ASTN2: variants seen among roughly 807,000 people sequenced by gnomAD.
The protein encoded by ASTN2 is astrotactin 2.
A neutral mutation model predicts 139.8 loss-of-function variants in ASTN2; 54 were observed. The ratio of observed to expected loss-of-function variants is 0.39; its 90% CI spans 0.31 to 0.48. The LOEUF (loss-of-function observed/expected upper bound fraction) is 0.48, where lower values mean the gene tolerates loss of function less well. ASTN2 is among the 20% of genes least tolerant of loss of function. ASTN2 has a pLI of 0.95. For synonymous variants in ASTN2, 756 were observed against 719.5 expected (o/e 1.05, Z -0.81); for missense variants, 1,565 against 1,725.1 (o/e 0.91, Z 1.64).
chr9:116,734,380 C>A (rs985854301), intron 13 of ASTN2, among the ~76,000 whole-genome samples: 19 of 152,104 alleles, frequency 1.2e-4, no homozygotes, highest in Non-Finnish European at 2.4e-4. Flanking sequence ...AGACAATAGA[C>A]CTGCCTAAAA....
chr9:117,337,151 C>T (rs772758196), intron 1 of ASTN2, among the ~76,000 whole-genome samples: 1 of 152,168 alleles, frequency 6.6e-6, no homozygotes, highest in African/African-American at 2.4e-5. Flanking sequence ...AAAAATCACA[C>T]ATACCCTATG....
chr9:116,707,080 A>C (rs73515243), intron 16 of ASTN2, among the ~76,000 whole-genome samples: 12,997 of 151,518 alleles, frequency 0.086, 1,858 homozygotes, highest in African/African-American at 0.3. Flanking sequence ...GTTTATCTCA[A>C]CCAGGTGTTG....
At chr9:117,084,905 T>C (rs1310919922) in intron 5 of ASTN2, among the ~76,000 whole-genome samples, 1 of 152,198 alleles carries the variant, frequency 6.6e-6, no homozygotes, top group Non-Finnish European at 1.5e-5. Context: ...GAATTGGCAT[T>C]TTAAAAAGTG....
intron 22 of ASTN2, among the ~76,000 whole-genome samples, chr9:116,426,749 AATAT>A (rs34817399): frequency 4.0e-5 from 6 of 150,770 alleles, no homozygotes; most frequent in African/African-American, 4.9e-5. Context: ...CCTTTCATCA[AATAT>A]ATATATATAT....
intron 10 of ASTN2, among the ~76,000 whole-genome samples, chr9:116,958,208 T>C (rs1333083644): frequency 6.6e-6 from 1 of 152,212 alleles, no homozygotes; most frequent in Non-Finnish European, 1.5e-5. Flanking sequence ...TCAAATTTTC[T>C]ACTAGAATTG....
chr9:116,530,149 AT>A (rs1277039694), intron 19 of ASTN2, among the ~76,000 whole-genome samples: 25 of 25,368 alleles, frequency 9.9e-4, no homozygotes, highest in African/African-American at 1.7e-3. Context: ...ATATATATAT[AT>A]AAAATAGAAT....
At chr9:117,040,754 A>C (rs1838540575) in intron 5 of ASTN2, among the ~76,000 whole-genome samples, 1 of 152,128 alleles carries the variant, frequency 6.6e-6, no homozygotes, top group Admixed American at 6.5e-5. Flanking sequence ...CCACCACTTC[A>C]GTTTCTTTAT....
chr9:116,790,970 A>G (rs540203181), intron 13 of ASTN2, among the ~76,000 whole-genome samples: 474 of 26,702 alleles, frequency 0.018, 7 homozygotes, highest in African/African-American at 0.061. Context: ...AAAGAAGGAA[A>G]GAAAGAAAGA....
chr9:116,921,364 G>A (rs1468612683), intron 10 of ASTN2, among the ~76,000 whole-genome samples: 3 of 151,834 alleles, frequency 2.0e-5, no homozygotes, highest in African/African-American at 4.8e-5. Context: ...TGAGGCGGGC[G>A]GATCACATGG....
intron 19 of ASTN2, among the ~76,000 whole-genome samples, chr9:116,605,991 A>C (rs946976344): frequency 3.9e-5 from 6 of 152,106 alleles, no homozygotes; most frequent in African/African-American, 4.8e-5. Context: ...TTTTCTTCGT[A>C]GGTCAAACAG....
At chr9:116,908,559 T>G (rs564661027) in intron 10 of ASTN2, among the ~76,000 whole-genome samples, 3 of 152,326 alleles carry the variant, frequency 2.0e-5, no homozygotes, top group African/African-American at 7.2e-5. Context: ...GGTTGTTTCC[T>G]TTCTTGAAAG....
intron 4 of ASTN2, among the ~76,000 whole-genome samples, chr9:117,103,546 T>C (rs1829032294): frequency 6.6e-6 from 1 of 152,164 alleles, no homozygotes; most frequent in Non-Finnish European, 1.5e-5. Flanking sequence ...TGCTCTTCTT[T>C]TGCAATCTAC....
chr9:116,765,689 G>C (rs1278690968), intron 13 of ASTN2, among the ~76,000 whole-genome samples: 1 of 151,830 alleles, frequency 6.6e-6, no homozygotes, highest in Admixed American at 6.6e-5. Context: ...AAAAAATACG[G>C]CTGATCTTTA....
At chr9:117,366,164 A>G (rs935999572) in intron 1 of ASTN2, among the ~76,000 whole-genome samples, 1 of 152,128 alleles carries the variant, frequency 6.6e-6, no homozygotes, top group Non-Finnish European at 1.5e-5. Flanking sequence ...ACAGATAAAG[A>G]TTTCCAAAAC....
intron 1 of ASTN2, among the ~76,000 whole-genome samples, chr9:117,363,571 G>A (rs1829751724): frequency 6.6e-6 from 1 of 152,186 alleles, no homozygotes. Flanking sequence ...TGAAATGCCA[G>A]CAGAACATGC....
intron 13 of ASTN2, among the ~76,000 whole-genome samples, chr9:116,781,721 C>T (rs992129118): frequency 3.9e-5 from 6 of 152,082 alleles, no homozygotes; most frequent in Non-Finnish European, 2.9e-5. Flanking sequence ...TTTCTTGATG[C>T]AGTCTGAGCA....
intron 10 of ASTN2, among the ~76,000 whole-genome samples, chr9:116,925,323 T>C (rs1184571455): frequency 1.3e-5 from 2 of 152,150 alleles, no homozygotes; most frequent in Non-Finnish European, 2.9e-5. Context: ...CTTGAGAACC[T>C]TATGAGGAGG....
chr9:116,570,816 T>C (rs1333385504), intron 19 of ASTN2, among the ~76,000 whole-genome samples: 2 of 152,226 alleles, frequency 1.3e-5, no homozygotes, highest in African/African-American at 4.8e-5. Context: ...GTAAGTTTTA[T>C]TTGTTTAGTT....
intron 10 of ASTN2, among the ~76,000 whole-genome samples, chr9:116,944,400 G>C (rs990232053): frequency 1.2e-4 from 19 of 152,170 alleles, no homozygotes; most frequent in African/African-American, 4.1e-4. Flanking sequence ...GCAGATGCAG[G>C]CCAGGCACGG....
Sources: gnomAD v4.1 joint callset for allele counts (sites outside exome capture counted in the v4.1 genomes callset) on GRCh38, gnomAD v4.1.1 for gene constraint, MANE v1.5 for transcripts, NCBI Gene and HGNC (gene_info 2026-07-23, HGNC 2026-07-21) for gene names.